MED6: variants seen among roughly 807,000 people sequenced by gnomAD.
MED6 encodes mediator complex subunit 6, also known as mediator of RNA polymerase II transcription subunit 6.
A neutral mutation model predicts 37.5 loss-of-function variants in MED6; 33 were observed. The observed-to-expected ratio is 0.88, with a 90% CI of 0.67 to 1.18. The LOEUF (loss-of-function observed/expected upper bound fraction) is 1.18. MED6 is among the 50% of genes most tolerant of loss of function. The pLI is 0.00. For synonymous variants in MED6, 94 were observed against 93.6 expected (o/e 1.00, Z -0.02); for missense variants, 235 against 290.6 (o/e 0.81, Z 1.39).
At chr14:70,589,062 C>T (rs1432467823) in intron 6 of MED6, among the ~76,000 whole-genome samples, 4 of 152,060 alleles carry the variant, frequency 2.6e-5, no homozygotes, top group Admixed American at 2.0e-4. Context: ...AGCAAACTAC[C>T]GAATGTTCTT....
chr14:70,598,201 G>A (rs145525340), intron 1 of MED6, among the ~76,000 whole-genome samples: 3 of 152,254 alleles, frequency 2.0e-5, no homozygotes, highest in Admixed American at 2.0e-4. Context: ...GACTGAGACA[G>A]GAGAATCGCT....
intron 5 of MED6, chr14:70,591,849 T>A (rs1016868560): frequency 6.6e-6 from 1 of 152,036 alleles, no homozygotes; most frequent in Non-Finnish European, 1.5e-5. Flanking sequence ...TAAAAAAAAA[T>A]AATAAAACAG....
chr14:70,586,836 C>A (rs1566673757), intron 6 of MED6, among the ~76,000 whole-genome samples: 1 of 152,146 alleles, frequency 6.6e-6, no homozygotes, highest in Non-Finnish European at 1.5e-5. Flanking sequence ...ATCCACTGTG[C>A]AATAAAAAGG....
At chr14:70,597,849 T>C (rs1424084296) in intron 1 of MED6, 72 bp from the exon 2 acceptor site, 1 of 1,300,844 alleles carries the variant, frequency 7.7e-7, no homozygotes, top group Non-Finnish European at 1.0e-6. Context: ...ACATTTATTA[T>C]ACATCAAATG....
intron 3 of MED6, chr14:70,596,395 T>G: frequency 2.3e-6 from 1 of 435,962 alleles, no homozygotes; most frequent in Non-Finnish European, 4.2e-6. Context: ...CCAGTACTAA[T>G]CTGGCTGCGT....
chr14:70,590,892 T>G (rs1254373638), intron 6 of MED6, among the ~76,000 whole-genome samples: 1 of 152,236 alleles, frequency 6.6e-6, no homozygotes, highest in African/African-American at 2.4e-5. Context: ...TATTCTATCA[T>G]TTAGGTTGTT....
intron 1 of MED6, 25 bp from the exon 2 acceptor site, chr14:70,597,802 A>T (rs780207735): frequency 1.3e-6 from 2 of 1,519,642 alleles, no homozygotes; most frequent in Non-Finnish European, 1.7e-6. Flanking sequence ...ACAAAATGAT[A>T]AAGGATTAGA....
Position 70,584,582 on chromosome 14 carries a change from G to T in MED6, c.*231C>A, listed in dbSNP as rs1595044796. 9.4e-6 allele frequency: 4 copies of T among 424,238 alleles called. No homozygotes were observed. In the East Asian group the frequency reaches 1.9e-4, roughly 20 times the overall value. The allele number at this position is 424,238 out of a possible 1,614,324, so 26.3% of individuals were successfully genotyped here. A position where few individuals can be genotyped will look rare whatever the true frequency, so the allele number is the denominator to read the frequency against. ...GTAGAGACGGGGTTTCACCATATTG[G>T]TCAGGCTGGTCTTGAACTTCTGACC... On this transcript the variant is annotated 3_prime_UTR_variant, in exon 8 of 8. Transcript: ENST00000256379.
At chr14:70,585,092 C>T (rs1884665223) in intron 7 of MED6, 149 bp from the exon 8 acceptor site, 2 of 918,096 alleles carry the variant, frequency 2.2e-6, no homozygotes, top group South Asian at 1.7e-5. Flanking sequence ...CAGATGTATA[C>T]AAGAACCCAG....
At chr14:70,585,859 C>T (rs1884693106) in intron 6 of MED6, 76 bp from the exon 7 acceptor site, 4 of 1,155,600 alleles carry the variant, frequency 3.5e-6, no homozygotes, top group Non-Finnish European at 5.0e-6. Context: ...AAAATTTCTT[C>T]TTCCTGATGT....
chr14:70,587,515 G>A (rs1884745990), intron 6 of MED6, among the ~76,000 whole-genome samples: 1 of 152,148 alleles, frequency 6.6e-6, no homozygotes. Flanking sequence ...GAACATTGAG[G>A]AGAGTAAAAA....
intron 3 of MED6, among the ~76,000 whole-genome samples, chr14:70,594,119 G>A (rs1884970166): frequency 6.6e-6 from 1 of 152,126 alleles, no homozygotes; most frequent in Non-Finnish European, 1.5e-5. Context: ...CCAAGTTAAA[G>A]ATTGTCCATA....
intron 3 of MED6, chr14:70,595,340 C>A (rs1885011795): frequency 3.6e-6 from 2 of 557,534 alleles, no homozygotes; most frequent in Non-Finnish European, 6.9e-6. Flanking sequence ...AGGAGCTAGA[C>A]AAGTACTGGT....
At position 70,591,390 on chromosome 14, in the gene MED6, A is replaced by G. The variant is rs1205886399; in HGVS notation, c.467-9T>C. On this transcript the variant is annotated splice_polypyrimidine_tract_variant and intron_variant, in intron 5 of 7. Transcript: ENST00000256379. The stretch of plus-strand genomic sequence containing the variant: ...TTTAGGTCTGACTTTATCTATTAAA[A>G]TACGAAGTCCAAATCAAAACATTGC... 2 of 1,589,928 alleles carry G rather than the reference A, an allele frequency of 1.3e-6. No individual in the cohort carries two copies. The highest frequency in any genetic ancestry group is 4.5e-5 in the East Asian group (2 of 44,488).
At chr14:70,599,872 A>G (rs1285502638) in intron 1 of MED6, among the ~76,000 whole-genome samples, 1 of 152,328 alleles carries the variant, frequency 6.6e-6, no homozygotes, top group East Asian at 1.9e-4. Context: ...AGATCGCCAG[A>G]TAAGTATAAA....
At chr14:70,600,255 C>T (rs1360163588) in intron 1 of MED6, among the ~76,000 whole-genome samples, 1 of 152,122 alleles carries the variant, frequency 6.6e-6, no homozygotes, top group Non-Finnish European at 1.5e-5. Context: ...TGAATCAAAT[C>T]AAGTTGGCTT....
chr14:70,592,473 T>C (rs77082358), intron 5 of MED6: 3,127 of 156,406 alleles, frequency 0.02, 61 homozygotes, highest in Middle Eastern at 0.06. Flanking sequence ...GTCTCTCCTA[T>C]GTTCCTTTTT....
chr14:70,594,619 G>A (rs1417045870), intron 3 of MED6: 2 of 418,974 alleles, frequency 4.8e-6, no homozygotes, highest in Non-Finnish European at 9.2e-6. Flanking sequence ...GCGCCCAGCT[G>A]CGGCACCCAG....
chr14:70,594,862 GA>G, intron 3 of MED6: 1 of 668,386 alleles, frequency 1.5e-6, no homozygotes, highest in Non-Finnish European at 2.7e-6. Flanking sequence ...GAGGAGCCTG[GA>G]GACCGAGAAC....
Sources: gnomAD v4.1 joint callset for allele counts (sites outside exome capture counted in the v4.1 genomes callset) on GRCh38, gnomAD v4.1.1 for gene constraint, MANE v1.5 for transcripts, NCBI Gene and HGNC (gene_info 2026-07-23, HGNC 2026-07-21) for gene names.